DNAAF4: variants seen among roughly 807,000 people sequenced by gnomAD.
DNAAF4 encodes the protein dynein assembly factor 4, axonemal.
A neutral mutation model predicts 51.8 loss-of-function variants in DNAAF4; 43 were observed. The observed-to-expected ratio is 0.83, with a 90% confidence interval of 0.65 to 1.07. The LOEUF is 1.07. DNAAF4 is among the 50% of genes least tolerant of loss of function. The pLI, the probability that DNAAF4 is intolerant of heterozygous loss-of-function variation, is 0.00. For synonymous variants in DNAAF4, 194 were observed against 165.6 expected (o/e 1.17, Z -1.32); for missense variants, 581 against 493.0 (o/e 1.18, Z -1.69).
At chr15:55,437,001 G>T (rs2057623314) in intron 7 of DNAAF4, among the ~76,000 whole-genome samples, 1 of 151,088 alleles carries the variant, frequency 6.6e-6, no homozygotes, top group Non-Finnish European at 1.5e-5. Flanking sequence ...TGTACTTTTA[G>T]TAAAGACAGG....
rs557066254 is a variant in DNAAF4, at chr15:55,491,111, T to C, written c.405+12A>G. On this transcript the variant is annotated intron_variant, in intron 4 of 9. Transcript: ENST00000321149. ...TCTCTTTAGAGGACTTGCCTGTCAT[T>C]CTGCAACTTACCTTCATCATGACAC... 1.1e-5 allele frequency: 18 copies of C among 1,613,968 alleles called. No homozygotes were observed. The South Asian group carries it at 1.9e-4, about 17-fold the overall frequency.
intron 1 of DNAAF4, among the ~76,000 whole-genome samples, chr15:55,501,557 A>G (rs2141610900): frequency 6.8e-6 from 1 of 147,772 alleles, no homozygotes; most frequent in African/African-American, 2.5e-5. Flanking sequence ...TTGCATTTTT[A>G]GTAGAGACGG....
At chr15:55,418,223 G>A in intron 7 of DNAAF4, 1 of 1,570,782 alleles carries the variant, frequency 6.4e-7, no homozygotes, top group Non-Finnish European at 8.6e-7. Context: ...TATCTTTTAG[G>A]ATAAGAAAAG....
intron 6 of DNAAF4, among the ~76,000 whole-genome samples, chr15:55,441,563 C>G (rs1417802057): frequency 6.6e-6 from 1 of 151,756 alleles, no homozygotes; most frequent in Admixed American, 6.6e-5. Flanking sequence ...TCCCTCCCCC[C>G]TCCCACCACC....
At chr15:55,435,646 T>A (rs935845297) in intron 7 of DNAAF4, among the ~76,000 whole-genome samples, 3 of 152,218 alleles carry the variant, frequency 2.0e-5, no homozygotes, top group African/African-American at 7.2e-5. Context: ...AGACAATAAA[T>A]TCCTTTCAAT....
At chr15:55,483,660 C>G (rs1296229758) in intron 4 of DNAAF4, among the ~76,000 whole-genome samples, 1 of 151,748 alleles carries the variant, frequency 6.6e-6, no homozygotes, top group Non-Finnish European at 1.5e-5. Flanking sequence ...CCTGCCTCAG[C>G]CTCCGGAGTA....
In DNAAF4 at chr15:55,485,304, CA is replaced by C. The variant is rs1298088604; in HGVS notation, c.405+5818del. 1.1e-4 allele frequency among the ~76,000 whole-genome samples: 16 copies of C among 152,188 alleles called. 1 individual carries two copies. The highest frequency in any genetic ancestry group is 7.2e-4 in the Admixed American group (11 of 15,268). On this transcript the variant is annotated intron_variant, in intron 4 of 9. Coordinates refer to ENST00000321149, the MANE Select transcript of DNAAF4 (RefSeq NM_130810.4). ...AAAGATGGGAGGATTTTTTAAATGC[CA>C]GAATCATGAAAGTTATTATCATAAA...
At chr15:55,473,367 G>GTATATATA (rs1304815779) in intron 4 of DNAAF4, among the ~76,000 whole-genome samples, 1 of 121,120 alleles carries the variant, frequency 8.3e-6, no homozygotes, top group Non-Finnish European at 1.6e-5. Context: ...ATATGTGTGT[G>GTATATATA]TGTATATATA....
Position 55,424,536 on chromosome 15 carries a change from C to CA in DNAAF4, c.1048-6404dup, listed in dbSNP as rs1055362815. 2.6e-5 allele frequency among the ~76,000 whole-genome samples: 4 copies of CA among 152,246 alleles called. No homozygotes were observed. The South Asian group carries it at 8.3e-4, about 32-fold the overall frequency. On this transcript the variant is annotated intron_variant, in intron 7 of 7. Coordinates refer to the DNAAF4 transcript ENST00000448430. ...AGTGATTAAGAGGTCTCTCCTTGAC[C>CA]AAACTCTAGATAGGCTCCTGTGAAC...
At chr15:55,438,764 G>A (rs116242057) in intron 7 of DNAAF4, among the ~76,000 whole-genome samples, 5,514 of 147,052 alleles carry the variant, frequency 0.037, 106 homozygotes, top group African/African-American at 0.052. Flanking sequence ...CAGCCTGGGT[G>A]ATAAAATGAG....
intron 4 of DNAAF4, among the ~76,000 whole-genome samples, chr15:55,486,300 T>C (rs968728068): frequency 4.0e-5 from 6 of 151,608 alleles, no homozygotes; most frequent in Non-Finnish European, 8.8e-5. Context: ...TTCCAGCCAT[T>C]CTCCTGCCTC....
At chr15:55,486,776 CAA>C (rs533402480) in intron 4 of DNAAF4, among the ~76,000 whole-genome samples, 14 of 130,542 alleles carry the variant, frequency 1.1e-4, no homozygotes, top group Non-Finnish European at 8.3e-5. Context: ...GACCCTGTCT[CAA>C]AAAAAAAAAA....
At chr15:55,501,609 TC>T (rs2058699429) in intron 1 of DNAAF4, among the ~76,000 whole-genome samples, 1 of 151,232 alleles carries the variant, frequency 6.6e-6, no homozygotes, top group Non-Finnish European at 1.5e-5. Context: ...TCTCCTGACC[TC>T]GTGATCAACC....
intron 7 of DNAAF4, chr15:55,418,573 A>G: frequency 1.1e-5 from 16 of 1,427,014 alleles, no homozygotes; most frequent in Non-Finnish European, 1.4e-5. Context: ...CTCTATGAAA[A>G]TATATTCCTT....
At chr15:55,484,037 G>A (rs1047248897) in intron 4 of DNAAF4, among the ~76,000 whole-genome samples, 3 of 151,690 alleles carry the variant, frequency 2.0e-5, no homozygotes, top group Admixed American at 6.6e-5. Flanking sequence ...AAACCACAAT[G>A]AGATACCACT....
chr15:55,473,309 G>GTGTATATA (rs2058290608), intron 4 of DNAAF4, among the ~76,000 whole-genome samples: 1 of 124,652 alleles, frequency 8.0e-6, no homozygotes, highest in African/African-American at 3.3e-5. Context: ...ATATATATGT[G>GTGTATATA]TGTATATATG....
intron 8 of DNAAF4, among the ~76,000 whole-genome samples, chr15:55,433,977 A>ATATTC (rs1555413873): frequency 1.6e-4 from 4 of 25,456 alleles, no homozygotes; most frequent in African/African-American, 2.2e-4. Flanking sequence ...TATTTTATAT[A>ATATTC]TTATATATAA....
chr15:55,468,476 A>G (rs1251759736), intron 4 of DNAAF4, among the ~76,000 whole-genome samples: 1 of 152,212 alleles, frequency 6.6e-6, no homozygotes, highest in Non-Finnish European at 1.5e-5. Context: ...GTAAGCTGCC[A>G]ACAGATTGAA....
intron 4 of DNAAF4, among the ~76,000 whole-genome samples, chr15:55,480,153 C>G (rs1763355086): frequency 6.6e-6 from 1 of 151,988 alleles, no homozygotes; most frequent in South Asian, 2.1e-4. Context: ...TTTTGAAACC[C>G]TTAATAAAAA....
Sources: allele counts gnomAD v4.1 joint callset (sites outside exome capture counted in the v4.1 genomes callset), GRCh38; gene constraint gnomAD v4.1.1; transcripts MANE v1.5; gene names NCBI Gene and HGNC (gene_info 2026-07-23, HGNC 2026-07-21).